The following PKIB variants were observed in gnomAD, a reference collection of about 807,000 sequenced individuals.
PKIB encodes cAMP-dependent protein kinase inhibitor beta.
Under a neutral mutation model 4.5 loss-of-function variants are expected in PKIB, and 2 were observed. That is an observed-to-expected ratio of 0.44 (90% CI 0.18 to 1.39). The LOEUF (loss-of-function observed/expected upper bound fraction) is 1.39. Ranked by LOEUF, PKIB falls within the 40% of genes most tolerant of loss-of-function variation. The pLI is 0.27. For missense variants in PKIB, 94 were observed against 92.6 expected (o/e 1.02, Z -0.06); for synonymous variants, 38 against 36.0 (o/e 1.06, Z -0.20).
chr6:122,529,330 T>C (rs1331451840), intron 2 of PKIB, among the ~76,000 whole-genome samples: 3 of 152,208 alleles, frequency 2.0e-5, no homozygotes, highest in Non-Finnish European at 4.4e-5. Flanking sequence ...ACAACCCTAC[T>C]TCTTAACAGT....
chr6:122,604,481 A>G (rs1011837864), intron 3 of PKIB, among the ~76,000 whole-genome samples: 1 of 152,222 alleles, frequency 6.6e-6, no homozygotes, highest in African/African-American at 2.4e-5. Context: ...CCTTGCACCA[A>G]TTATGAAAAT....
chr6:122,723,781 T>C (rs1276702034), intron 4 of PKIB, among the ~76,000 whole-genome samples: 1 of 152,218 alleles, frequency 6.6e-6, no homozygotes, highest in Non-Finnish European at 1.5e-5. Context: ...CAGCTAACTC[T>C]GTCTAGAATT....
intron 2 of PKIB, among the ~76,000 whole-genome samples, chr6:122,567,198 G>C (rs1214847986): frequency 2.0e-5 from 3 of 152,152 alleles, no homozygotes; most frequent in African/African-American, 7.2e-5. Context: ...GTTTTTCTGA[G>C]ATGCAGAAGG....
chr6:122,632,424 ATG>A (rs1319080833), intron 1 of PKIB, among the ~76,000 whole-genome samples: 1 of 152,192 alleles, frequency 6.6e-6, no homozygotes, highest in African/African-American at 2.4e-5. Context: ...CTGCTCAAAT[ATG>A]TAGACTGCCT....
At chr6:122,641,534 G>A (rs1776120112) in intron 2 of PKIB, among the ~76,000 whole-genome samples, 1 of 152,158 alleles carries the variant, frequency 6.6e-6, no homozygotes, top group Non-Finnish European at 1.5e-5. Flanking sequence ...TGAAGGATCA[G>A]ATTGCATATG....
intron 2 of PKIB, among the ~76,000 whole-genome samples, chr6:122,546,190 A>T (rs773927916): frequency 6.6e-6 from 1 of 152,060 alleles, no homozygotes; most frequent in Non-Finnish European, 1.5e-5. Context: ...GGTGGTCAAG[A>T]TAGAAAAGTT....
At chr6:122,539,345 A>T (rs2114632519) in intron 2 of PKIB, among the ~76,000 whole-genome samples, 1 of 152,136 alleles carries the variant, frequency 6.6e-6, no homozygotes, top group South Asian at 2.1e-4. Flanking sequence ...TATTATTTTG[A>T]GATACGTCCC....
chr6:122,703,030 A>C (rs1306218821), intron 3 of PKIB, among the ~76,000 whole-genome samples: 2 of 152,178 alleles, frequency 1.3e-5, no homozygotes, highest in Non-Finnish European at 2.9e-5. Context: ...GTTTAAAGCC[A>C]TAATTGTGCA....
intron 2 of PKIB, among the ~76,000 whole-genome samples, chr6:122,543,096 A>G (rs1170345816): frequency 6.6e-6 from 1 of 151,926 alleles, no homozygotes; most frequent in East Asian, 1.9e-4. Context: ...GAGTGACCTG[A>G]TTTTCCAGGT....
At chr6:122,537,780 T>C (rs934190311) in intron 2 of PKIB, among the ~76,000 whole-genome samples, 1 of 152,100 alleles carries the variant, frequency 6.6e-6, no homozygotes, top group Non-Finnish European at 1.5e-5. Context: ...TTGAACTAGT[T>C]TTCAGTCCCA....
intron 2 of PKIB, among the ~76,000 whole-genome samples, chr6:122,559,262 C>T (rs1020715296): frequency 7.3e-5 from 11 of 151,468 alleles, no homozygotes; most frequent in African/African-American, 2.4e-4. Context: ...CAAATATATA[C>T]ATAAAATAGA....
intron 2 of PKIB, among the ~76,000 whole-genome samples, chr6:122,506,090 TG>T (rs986360308): frequency 2.6e-5 from 4 of 152,164 alleles, no homozygotes; most frequent in African/African-American, 9.6e-5. Context: ...TTAACATTTT[TG>T]TGACCATATG....
At chr6:122,520,661 T>TTTC (rs1562237597) in intron 2 of PKIB, among the ~76,000 whole-genome samples, 15 of 55,490 alleles carry the variant, frequency 2.7e-4, no homozygotes, top group African/African-American at 4.8e-4. Flanking sequence ...AAGTTTATGT[T>TTTC]CCCACCCCCC....
Position 122,472,042 on chromosome 6 carries a change from G to A in PKIB, c.-337+1G>A, listed in dbSNP as rs1775318866. Reference sequence around the variant, plus strand: ...CGTAGTTTGCCAAATTAAGAAAACGGTGTGAGCAAAACCCACCTTTACCTA... The same window carrying A: ...CGTAGTTTGCCAAATTAAGAAAACGATGTGAGCAAAACCCACCTTTACCTA... On this transcript the variant is annotated splice_donor_variant, in intron 1 of 6. Transcript: ENST00000392491. LOFTEE classifies it low-confidence loss of function (5UTR_SPLICE). 2 of 515,794 alleles carry A rather than the reference G, an allele frequency of 3.9e-6. No homozygotes were observed. The highest frequency in any genetic ancestry group is 3.9e-5 in the Admixed American group (1 of 25,544). The allele number at this position is 515,794 out of a possible 1,614,324, so 32.0% of individuals were successfully genotyped here.
chr6:122,670,221 A>T (rs1263937273), intron 2 of PKIB, among the ~76,000 whole-genome samples: 1 of 152,106 alleles, frequency 6.6e-6, no homozygotes, highest in African/African-American at 2.4e-5. Flanking sequence ...GAAGAAATCC[A>T]GTTGCATGAC....
intron 1 of PKIB, among the ~76,000 whole-genome samples, chr6:122,628,617 G>A (rs1775564135): frequency 6.6e-6 from 1 of 152,184 alleles, no homozygotes; most frequent in African/African-American, 2.4e-5. Flanking sequence ...TAGTATAAAT[G>A]TTAGCTACAA....
chr6:122,634,568 A>G (rs930160777), intron 2 of PKIB, among the ~76,000 whole-genome samples: 2 of 152,066 alleles, frequency 1.3e-5, no homozygotes, highest in African/African-American at 4.8e-5. Context: ...GATTCCTACT[A>G]GAACACAACT....
rs71021419 is a variant in PKIB, at chr6:122,703,941, T to TAG, written c.-8-13814_-8-13813dup. On this transcript the variant is annotated intron_variant, in intron 3 of 4. Transcript: ENST00000368452. ...ATGTGTGTATATATATATATATATA[T>TAG]AGAGAGAGAGAGAGAGAGAGAGAGA... 9.6e-3 allele frequency among the ~76,000 whole-genome samples: 868 copies of TAG among 90,748 alleles called. 9 individuals are homozygous for TAG. Among genetic ancestry groups the TAG allele is most frequent in the Middle Eastern group, 0.019 (3 of 160 alleles). 59.5% of individuals were successfully genotyped at this position (90,748 alleles called of 152,430 possible).
At chr6:122,617,437 A>G (rs1366648063) in intron 1 of PKIB, among the ~76,000 whole-genome samples, 4 of 152,160 alleles carry the variant, frequency 2.6e-5, no homozygotes, top group Non-Finnish European at 4.4e-5. Flanking sequence ...AACCCAGCAT[A>G]GTTTGTTTCA....
Sources: gnomAD v4.1 joint callset for allele counts (sites outside exome capture counted in the v4.1 genomes callset) on GRCh38, gnomAD v4.1.1 for gene constraint, MANE v1.5 for transcripts, NCBI Gene and HGNC (gene_info 2026-07-23, HGNC 2026-07-21) for gene names.